Variants in DNM3 observed in about 807,000 individuals in gnomAD.
The protein encoded by DNM3 is dynamin-3.
Under a neutral mutation model 101.6 loss-of-function variants are expected in DNM3, and 47 were observed. That is an observed-to-expected ratio of 0.46 (90% CI 0.37 to 0.59). DNM3 has a LOEUF of 0.59. Ranked by LOEUF, DNM3 falls within the 20% of genes least tolerant of loss-of-function variation. The pLI, the probability that DNM3 is intolerant of heterozygous loss-of-function variation, is 0.00. For synonymous variants in DNM3, 385 were observed against 387.9 expected, an observed-to-expected ratio of 0.99 and a Z score of 0.09; for missense variants, 849 against 1,085.7, an observed-to-expected ratio of 0.78 and a Z score of 3.06.
At chr1:172,330,272 A>G (rs1379818798) in intron 17 of DNM3, among the ~76,000 whole-genome samples, 1 of 152,214 alleles carries the variant, frequency 6.6e-6, no homozygotes, top group East Asian at 1.9e-4. Flanking sequence ...AGTATGGTAT[A>G]TTGATTCAAC....
intron 17 of DNM3, among the ~76,000 whole-genome samples, chr1:172,354,176 A>T (rs564137607): frequency 6.6e-6 from 1 of 150,534 alleles, no homozygotes. Flanking sequence ...TATCTGAAGA[A>T]AAAAAAGGCC....
intron 1 of DNM3, among the ~76,000 whole-genome samples, chr1:171,848,154 C>T (rs959442096): frequency 2.0e-5 from 3 of 152,138 alleles, no homozygotes; most frequent in Admixed American, 6.5e-5. Flanking sequence ...ATCTTCTCTT[C>T]CTCCTGTTAT....
Position 172,408,147 on chromosome 1 carries a change from A to G in DNM3, c.*306A>G. The G allele has an allele frequency of 8.7e-7, 1 of 1,152,756 alleles. No homozygotes were observed. The highest frequency in any genetic ancestry group is 3.0e-5 in the South Asian group (1 of 32,796). 71.4% of individuals were successfully genotyped at this position (1,152,756 alleles called of 1,614,324 possible). On this transcript the variant is annotated 3_prime_UTR_variant, in exon 21 of 21. Transcript: ENST00000627582. ...GCATATATTTGAAATTGCTTTGGAC[A>G]AGTTTTCTAGGCTATCTACCAGGTA... is the stretch of plus-strand genomic sequence containing the variant.
At chr1:171,873,617 G>T (rs1170529512) in intron 1 of DNM3, among the ~76,000 whole-genome samples, 1 of 152,068 alleles carries the variant, frequency 6.6e-6, no homozygotes, top group Non-Finnish European at 1.5e-5. Context: ...CTTGAGGGAG[G>T]TGACAGCATT....
intron 15 of DNM3, among the ~76,000 whole-genome samples, chr1:172,257,574 T>C (rs2062456794): frequency 1.3e-5 from 2 of 152,146 alleles, no homozygotes. Context: ...TTGGTTAATA[T>C]TTTTTATTGA....
rs2061378507 is a variant in DNM3 at position 172,232,508 on chromosome 1, G to A, written c.1660-21065G>A. Among the ~76,000 whole-genome samples the A allele has an allele frequency of 2.6e-5, 4 of 152,076 alleles. No individual in the cohort carries two copies. In the South Asian group the frequency reaches 8.3e-4, roughly 32 times the overall value. ...ACAGAAAGTTAACAAGGATATCCAG[G>A]AACTGAACTCCGCTCTGCACCAAGC... On this transcript the variant is annotated intron_variant, in intron 14 of 20. Coordinates refer to ENST00000627582, the MANE Select transcript of DNM3 (RefSeq NM_015569.5).
intron 14 of DNM3, among the ~76,000 whole-genome samples, chr1:172,132,171 T>C (rs546547793): frequency 6.6e-5 from 10 of 152,170 alleles, no homozygotes; most frequent in Non-Finnish European, 1.2e-4. Flanking sequence ...AGGGCATGTG[T>C]TCAAAGTTAA....
At chr1:172,119,968 TATC>T in intron 13 of DNM3, among the ~76,000 whole-genome samples, 1 of 152,200 alleles carries the variant, frequency 6.6e-6, no homozygotes, top group Non-Finnish European at 1.5e-5. Flanking sequence ...TGGTCAAAGT[TATC>T]ATCATTTTTA....
chr1:172,155,644 G>A (rs1398016687), intron 14 of DNM3, among the ~76,000 whole-genome samples: 1 of 151,990 alleles, frequency 6.6e-6, no homozygotes, highest in Non-Finnish European at 1.5e-5. Flanking sequence ...ATCCAGTTAT[G>A]TCATTCTTTT....
chr1:172,227,304 A>ATATATATATATC, intron 14 of DNM3, among the ~76,000 whole-genome samples: 1 of 131,536 alleles, frequency 7.6e-6, no homozygotes. Context: ...ATATATATAT[A>ATATATATATATC]TCACATTTTC....
At chr1:172,048,796 C>G (rs369557789) in intron 10 of DNM3, 46 bp downstream of exon 10, 1 of 1,591,722 alleles carries the variant, frequency 6.3e-7, no homozygotes, top group Non-Finnish European at 8.6e-7. Context: ...TTTGGTTTAT[C>G]AACATTCCCT....
intron 11 of DNM3, among the ~76,000 whole-genome samples, chr1:172,078,939 A>T (rs1387386421): frequency 6.6e-6 from 1 of 152,212 alleles, no homozygotes; most frequent in Non-Finnish European, 1.5e-5. Flanking sequence ...AATGTTGAAT[A>T]TTGGCTCTCA....
chr1:172,178,367 T>TTTAAATA (rs2059227490), intron 14 of DNM3, among the ~76,000 whole-genome samples: 1 of 151,772 alleles, frequency 6.6e-6, no homozygotes, highest in African/African-American at 2.4e-5. Context: ...CCATTGAGAG[T>TTTAAATA]AATTTATTCA....
rs1573798068 is a variant in DNM3, at chr1:172,412,342, C to T, written c.*4501C>T. ...TACCAGTTTGTTAAAAATTATTCCCCCCAACCAGTAATTCCACCAGTACTA... is the reference window on the plus strand; with the variant it reads ...TACCAGTTTGTTAAAAATTATTCCCTCCAACCAGTAATTCCACCAGTACTA... On this transcript the variant is annotated 3_prime_UTR_variant, in exon 21 of 21. Transcript: ENST00000627582. 1.0e-6 allele frequency: 1 copy of T among 985,596 alleles called. No individual in the cohort carries two copies. The highest frequency in any genetic ancestry group is 1.1e-4 in the East Asian group (1 of 8,818). The allele number at this position is 985,596 out of a possible 1,614,324, so 61.1% of individuals were successfully genotyped here. A position where few individuals can be genotyped will look rare whatever the true frequency, so the allele number is the denominator to read the frequency against.
intron 13 of DNM3, among the ~76,000 whole-genome samples, chr1:172,122,775 G>A (rs929285976): frequency 5.9e-5 from 9 of 152,092 alleles, no homozygotes; most frequent in Admixed American, 2.6e-4. Context: ...TCCTCTAAGC[G>A]TGCTCTGCAA....
intron 11 of DNM3, among the ~76,000 whole-genome samples, chr1:172,077,539 C>T (rs2052764498): frequency 6.6e-6 from 1 of 152,162 alleles, no homozygotes; most frequent in Admixed American, 6.5e-5. Flanking sequence ...TTGCAAAGAA[C>T]TTATTTATTT....
At chr1:172,196,679 T>G (rs147885789) in intron 14 of DNM3, among the ~76,000 whole-genome samples, 2 of 152,232 alleles carry the variant, frequency 1.3e-5, no homozygotes, top group Non-Finnish European at 2.9e-5. Context: ...TTTTTTTATA[T>G]GTTTATTGAC....
intron 4 of DNM3, among the ~76,000 whole-genome samples, chr1:172,019,519 C>A (rs1044685808): frequency 6.6e-6 from 1 of 151,270 alleles, no homozygotes; most frequent in African/African-American, 2.4e-5. Context: ...GGTTTGATAT[C>A]TGATGTTAAT....
intron 17 of DNM3, among the ~76,000 whole-genome samples, chr1:172,360,292 C>T (rs1040921842): frequency 6.6e-6 from 1 of 152,006 alleles, no homozygotes; most frequent in African/African-American, 2.4e-5. Flanking sequence ...TTTCTATCTC[C>T]ACTTGGTCTT....
Sources: gnomAD v4.1 joint callset for allele counts (sites outside exome capture counted in the v4.1 genomes callset) on GRCh38, gnomAD v4.1.1 for gene constraint, MANE v1.5 for transcripts, NCBI Gene and HGNC (gene_info 2026-07-23, HGNC 2026-07-21) for gene names.